The following ERBB4 variants were observed in gnomAD, a reference collection of about 807,000 sequenced individuals.
ERBB4 encodes receptor tyrosine-protein kinase erbB-4.
ERBB4 carries 42 observed loss-of-function variants against 158.0 expected under a neutral mutation model. The observed-to-expected ratio is 0.27, with a 90% CI of 0.21 to 0.34. The LOEUF (loss-of-function observed/expected upper bound fraction) is 0.34. Ranked by LOEUF, ERBB4 falls within the 10% of genes least tolerant of loss-of-function variation. The pLI is 1.00. For synonymous variants in ERBB4, 583 were observed against 558.7 expected (o/e 1.04, Z -0.61); for missense variants, 1,333 against 1,624.1 (o/e 0.82, Z 3.08).
chr2:212,428,440 A>C (rs2091960377), intron 1 of ERBB4, among the ~76,000 whole-genome samples: 1 of 152,166 alleles, frequency 6.6e-6, no homozygotes, highest in Admixed American at 6.6e-5. Flanking sequence ...AACCAGGAAG[A>C]AAGATTATAT....
At chr2:211,767,777 T>A (rs1020037144) in intron 4 of ERBB4, among the ~76,000 whole-genome samples, 2 of 152,138 alleles carry the variant, frequency 1.3e-5, no homozygotes, top group Non-Finnish European at 2.9e-5. Flanking sequence ...GTCCCTCCTA[T>A]AACACACGGG....
intron 1 of ERBB4, among the ~76,000 whole-genome samples, chr2:212,388,508 G>A (rs2090752515): frequency 6.6e-6 from 1 of 152,030 alleles, no homozygotes; most frequent in Non-Finnish European, 1.5e-5. Context: ...ACTGGGCAGA[G>A]AGGAAATCTG....
At chr2:211,856,708 G>T (rs1353429852) in intron 3 of ERBB4, among the ~76,000 whole-genome samples, 1 of 152,048 alleles carries the variant, frequency 6.6e-6, no homozygotes, top group African/African-American at 2.4e-5. Context: ...TTTCTTTCTA[G>T]TCTGGAGGAA....
intron 2 of ERBB4, among the ~76,000 whole-genome samples, chr2:212,037,318 G>T (rs1182168635): frequency 2.0e-5 from 3 of 152,130 alleles, no homozygotes; most frequent in Admixed American, 6.5e-5. Flanking sequence ...GTTAGAGAGG[G>T]AACACATCTG....
intron 1 of ERBB4, among the ~76,000 whole-genome samples, chr2:212,486,299 T>C (rs1414570352): frequency 7.4e-6 from 1 of 135,234 alleles, no homozygotes; most frequent in Non-Finnish European, 1.6e-5. Context: ...AGCTAAAATA[T>C]CTACAGTAAA....
At chr2:211,853,677 C>T (rs1345729967) in intron 3 of ERBB4, among the ~76,000 whole-genome samples, 2 of 152,032 alleles carry the variant, frequency 1.3e-5, no homozygotes, top group African/African-American at 4.8e-5. Context: ...TTCCTCTTAC[C>T]TTATTCCAAA....
chr2:212,290,687 T>C (rs1229847186), intron 1 of ERBB4, among the ~76,000 whole-genome samples: 1 of 152,102 alleles, frequency 6.6e-6, no homozygotes, highest in Non-Finnish European at 1.5e-5. Context: ...TGTGCGTGTG[T>C]GCACGTACAC....
intron 1 of ERBB4, among the ~76,000 whole-genome samples, chr2:212,449,012 A>G (rs1374058058): frequency 2.6e-5 from 4 of 151,980 alleles, no homozygotes; most frequent in African/African-American, 4.8e-5. Context: ...TTATCTCTTC[A>G]TATTTCTATT....
At chr2:211,399,901 C>T (rs1285583892) in intron 25 of ERBB4, among the ~76,000 whole-genome samples, 1 of 152,136 alleles carries the variant, frequency 6.6e-6, no homozygotes, top group East Asian at 1.9e-4. Flanking sequence ...TATCCTTTCT[C>T]TACAAGTGGT....
chr2:212,060,510 C>T (rs1459746534), intron 2 of ERBB4, among the ~76,000 whole-genome samples: 8 of 150,220 alleles, frequency 5.3e-5, no homozygotes, highest in Middle Eastern at 3.4e-3. Flanking sequence ...CACATGCACA[C>T]GTATGTTTAT....
chr2:212,040,145 A>C (rs2077103960), intron 2 of ERBB4, among the ~76,000 whole-genome samples: 1 of 151,254 alleles, frequency 6.6e-6, no homozygotes, highest in Non-Finnish European at 1.5e-5. Context: ...TCAATGTTTC[A>C]ATCAGTTTAG....
chr2:212,126,274 A>C (rs547071122), intron 1 of ERBB4, among the ~76,000 whole-genome samples: 197 of 152,118 alleles, frequency 1.3e-3, no homozygotes, highest in Middle Eastern at 6.8e-3. Flanking sequence ...AACCTAGCCA[A>C]CATGGAGAAA....
intron 21 of ERBB4, among the ~76,000 whole-genome samples, chr2:211,429,361 T>A (rs2063703200): frequency 6.6e-6 from 1 of 152,152 alleles, no homozygotes; most frequent in Non-Finnish European, 1.5e-5. Context: ...TTAGCCTTGC[T>A]TTGTTTTCCA....
At chr2:212,452,250 T>G (rs531548496) in intron 1 of ERBB4, among the ~76,000 whole-genome samples, 1 of 152,262 alleles carries the variant, frequency 6.6e-6, no homozygotes, top group East Asian at 1.9e-4. Flanking sequence ...ACTTAAAGCC[T>G]TGTGACAATG....
At position 211,424,070 on chromosome 2, in the gene ERBB4, C is replaced by G. The variant is rs185389378; in HGVS notation, c.2866+85G>C. 184 of 1,343,380 alleles carry G rather than the reference C, an allele frequency of 1.4e-4. No individual in the cohort carries two copies. The African/African-American group carries it at 2.5e-3, about 18-fold the overall frequency. 83.2% of individuals were successfully genotyped at this position (1,343,380 alleles called of 1,614,324 possible). A position where few individuals can be genotyped will look rare whatever the true frequency, so the allele number is the denominator to read the frequency against. ...TTTTGAACTGTCGTATTTTTCAATA[C>G]AGAGAAATGTTGTACAGATTGAGTA... On this transcript the variant is annotated intron_variant, in intron 23 of 27. Transcript: ENST00000342788.
At chr2:211,415,945 G>T (rs1278919628) in intron 25 of ERBB4, among the ~76,000 whole-genome samples, 12 of 152,200 alleles carry the variant, frequency 7.9e-5, no homozygotes, top group Admixed American at 7.8e-4. Context: ...AAGGGAAAAA[G>T]AAGTTACATT....
At chr2:212,371,486 A>C (rs964327862) in intron 1 of ERBB4, among the ~76,000 whole-genome samples, 1 of 152,194 alleles carries the variant, frequency 6.6e-6, no homozygotes, top group East Asian at 1.9e-4. Context: ...ATTTTGAATT[A>C]AACAAATATG....
chr2:211,994,568 AGTT>A (rs1385906181), intron 2 of ERBB4, among the ~76,000 whole-genome samples: 2 of 152,104 alleles, frequency 1.3e-5, no homozygotes, highest in African/African-American at 2.4e-5. Flanking sequence ...ATCTATTTGG[AGTT>A]GTTGTTTTTT....
intron 1 of ERBB4, among the ~76,000 whole-genome samples, chr2:212,275,393 T>C (rs2085493736): frequency 6.6e-6 from 1 of 151,916 alleles, no homozygotes; most frequent in South Asian, 2.1e-4. Flanking sequence ...CCACCAACAG[T>C]GTAAAAGCGT....
Sources: gnomAD v4.1 joint callset for allele counts (sites outside exome capture counted in the v4.1 genomes callset) on GRCh38, gnomAD v4.1.1 for gene constraint, MANE v1.5 for transcripts, NCBI Gene and HGNC (gene_info 2026-07-23, HGNC 2026-07-21) for gene names.